ARHGAP15: variants seen among roughly 807,000 people sequenced by gnomAD.
ARHGAP15 encodes Rho GTPase activating protein 15, also known as rho GTPase-activating protein 15.
ARHGAP15 carries 51 observed loss-of-function variants against 63.7 expected under a neutral mutation model. The ratio of observed to expected loss-of-function variants is 0.80; its 90% CI spans 0.64 to 1.01. ARHGAP15 has a LOEUF of 1.01. Ranked by LOEUF, ARHGAP15 falls within the 50% of genes least tolerant of loss-of-function variation. The probability of loss-of-function intolerance (pLI) is 0.00; values close to 1 mark genes in which losing one functional copy is unlikely to be tolerated. For missense variants in ARHGAP15, 560 were observed against 564.6 expected (o/e 0.99, Z 0.08); for synonymous variants, 191 against 193.8 (o/e 0.99, Z 0.12).
intron 11 of ARHGAP15, among the ~76,000 whole-genome samples, chr2:143,618,171 C>G (rs1698517649): frequency 6.6e-6 from 1 of 152,204 alleles, no homozygotes; most frequent in Admixed American, 6.5e-5. Flanking sequence ...GCCAGCACAG[C>G]AAGAAAAGTT....
intron 6 of ARHGAP15, among the ~76,000 whole-genome samples, chr2:143,425,445 CAT>C (rs1355878841): frequency 1.3e-5 from 2 of 151,622 alleles, no homozygotes; most frequent in Non-Finnish European, 2.9e-5. Flanking sequence ...ATCACTACAT[CAT>C]ATGTCACTAT....
intron 6 of ARHGAP15, among the ~76,000 whole-genome samples, chr2:143,376,833 G>A (rs115068259): frequency 2.6e-3 from 398 of 151,942 alleles, no homozygotes; most frequent in African/African-American, 9.2e-3. Context: ...TTGAGATGTC[G>A]AATATTTAAT....
chr2:143,217,575 T>C (rs7592156), intron 4 of ARHGAP15, among the ~76,000 whole-genome samples: 26,327 of 152,068 alleles, frequency 0.17, 2,476 homozygotes, highest in Middle Eastern at 0.25. Flanking sequence ...CTTTAAGAGA[T>C]GTGGCTAGTC....
intron 6 of ARHGAP15, among the ~76,000 whole-genome samples, chr2:143,419,097 C>A (rs1688801389): frequency 6.6e-6 from 1 of 151,642 alleles, no homozygotes; most frequent in Admixed American, 6.6e-5. Flanking sequence ...GCATTCCAAT[C>A]TTAAAAATAC....
chr2:143,669,215 A>G (rs1018248644), intron 12 of ARHGAP15, among the ~76,000 whole-genome samples: 4 of 152,218 alleles, frequency 2.6e-5, no homozygotes, highest in African/African-American at 9.6e-5. Flanking sequence ...TCAGGTATAG[A>G]AAACTTATTT....
At chr2:143,609,396 T>C (rs1004394976) in intron 11 of ARHGAP15, among the ~76,000 whole-genome samples, 1 of 152,200 alleles carries the variant, frequency 6.6e-6, no homozygotes, top group African/African-American at 2.4e-5. Flanking sequence ...GGAATTTCCA[T>C]GCTTTTGTGA....
intron 1 of ARHGAP15, among the ~76,000 whole-genome samples, chr2:143,138,832 T>C (rs1032952251): frequency 1.3e-5 from 2 of 152,128 alleles, no homozygotes; most frequent in African/African-American, 4.8e-5. Context: ...AAATAATTAA[T>C]ATTTTGGCAT....
At chr2:143,400,964 C>T (rs1171869816) in intron 6 of ARHGAP15, among the ~76,000 whole-genome samples, 5 of 151,948 alleles carry the variant, frequency 3.3e-5, no homozygotes, top group South Asian at 2.1e-4. Context: ...AAAACCATTC[C>T]GCCTGCTAAA....
At chr2:143,141,853 C>T (rs1393113552) in intron 1 of ARHGAP15, among the ~76,000 whole-genome samples, 1 of 152,020 alleles carries the variant, frequency 6.6e-6, no homozygotes, top group Non-Finnish European at 1.5e-5. Flanking sequence ...GAGCAATGTT[C>T]CTAGGGGTGA....
intron 12 of ARHGAP15, among the ~76,000 whole-genome samples, chr2:143,631,094 C>G (rs570941768): frequency 6.6e-6 from 1 of 152,162 alleles, no homozygotes; most frequent in South Asian, 2.1e-4. Context: ...AGTATGCACT[C>G]TTTTGGGGGA....
At chr2:143,206,543 C>CT (rs1253555199) in intron 3 of ARHGAP15, among the ~76,000 whole-genome samples, 1 of 151,964 alleles carries the variant, frequency 6.6e-6, no homozygotes, top group African/African-American at 2.4e-5. Context: ...TTAGATAGCC[C>CT]TTCTTTGATC....
chr2:143,136,409 A>T (rs354721), intron 1 of ARHGAP15, among the ~76,000 whole-genome samples: 92,226 of 151,842 alleles, frequency 0.61, 29,622 homozygotes, highest in Non-Finnish European at 0.73. Context: ...ACTTGGATGA[A>T]CATCAAACTT....
At chr2:143,748,959 A>T (rs1686268728) in intron 13 of ARHGAP15, among the ~76,000 whole-genome samples, 1 of 152,168 alleles carries the variant, frequency 6.6e-6, no homozygotes, top group African/African-American at 2.4e-5. Flanking sequence ...TATATCATAG[A>T]ATATCTGATT....
chr2:143,528,109 A>G (rs1200224281), intron 10 of ARHGAP15, among the ~76,000 whole-genome samples: 1 of 152,102 alleles, frequency 6.6e-6, no homozygotes, highest in Non-Finnish European at 1.5e-5. Flanking sequence ...AGCAACTACT[A>G]AAATATCCAT....
chr2:143,483,428 A>G (rs1282744161), intron 8 of ARHGAP15, among the ~76,000 whole-genome samples: 4 of 152,240 alleles, frequency 2.6e-5, no homozygotes, highest in Admixed American at 6.5e-5. Flanking sequence ...GTATTCTATC[A>G]TGGGAAATGG....
At chr2:143,326,835 C>A (rs984341136) in intron 6 of ARHGAP15, among the ~76,000 whole-genome samples, 1 of 152,268 alleles carries the variant, frequency 6.6e-6, no homozygotes, top group Admixed American at 6.5e-5. Context: ...TGGAAGCATT[C>A]CCTTTGAAAA....
chr2:143,297,136 T>G (rs1418513484), intron 6 of ARHGAP15, among the ~76,000 whole-genome samples: 1 of 151,934 alleles, frequency 6.6e-6, no homozygotes, highest in African/African-American at 2.4e-5. Context: ...AAATTTGTTA[T>G]TATTACTGTA....
intron 10 of ARHGAP15, among the ~76,000 whole-genome samples, chr2:143,551,921 G>A (rs10187757): frequency 0.015 from 2,241 of 152,226 alleles, 63 homozygotes; most frequent in African/African-American, 0.052. Flanking sequence ...CAACTTAGAG[G>A]AGGAGGCATA....
chr2:143,517,909 G>A (rs769630802), intron 9 of ARHGAP15, among the ~76,000 whole-genome samples: 10 of 152,144 alleles, frequency 6.6e-5, no homozygotes, highest in South Asian at 2.1e-4. Flanking sequence ...ATTTAAAGAC[G>A]GGGAGGAAAG....
Sources: allele counts gnomAD v4.1 joint callset (sites outside exome capture counted in the v4.1 genomes callset), GRCh38; gene constraint gnomAD v4.1.1; transcripts MANE v1.5; gene names NCBI Gene and HGNC (gene_info 2026-07-23, HGNC 2026-07-21).